The following ATXN10 variants were observed in gnomAD, a reference collection of about 807,000 sequenced individuals.
ATXN10 encodes ataxin-10.
ATXN10 carries 28 observed loss-of-function variants against 52.9 expected under a neutral mutation model. That is an observed-to-expected ratio of 0.53 (90% CI 0.39 to 0.73). The LOEUF is 0.73. Among genes scored for constraint, ATXN10 ranks in the 30% least tolerant of loss-of-function variants. ATXN10 has a pLI of 0.00. For missense variants in ATXN10, 565 were observed against 577.0 expected (o/e 0.98, Z 0.21); for synonymous variants, 226 against 221.5 (o/e 1.02, Z -0.18).
Position 45,843,237 on chromosome 22 carries a change from C to T in ATXN10, c.1425+59C>T. 1 of 1,551,626 alleles carries T rather than the reference C, an allele frequency of 6.4e-7. No homozygotes were observed. The highest frequency in any genetic ancestry group is 1.1e-5 in the South Asian group (1 of 89,414). The stretch of plus-strand genomic sequence containing the variant: ...GGTTTGTAGAAAGCTGTTTCCACTT[C>T]CCCATTGCTTCAAGCACGAGGCTCT... On this transcript the variant is annotated intron_variant, in intron 11 of 11. Coordinates refer to ENST00000252934, the MANE Select transcript of ATXN10 (RefSeq NM_013236.4). This position sits in a 1 kb window ranked among gnomAD's most constrained non-coding sequence, Gnocchi z 4.5.
chr22:45,757,959 A>G lies in ATXN10; in HGVS notation c.1173+17421A>G, dbSNP rs953079617. ...CTTCTTTTGAAATTTGTAAAAGAAG[A>G]AAAAAAGTTGAGCTTTTGTGATGAC... On this transcript the variant is annotated intron_variant, in intron 9 of 11. Transcript: ENST00000252934. The surrounding 1 kb of genome is among the most constrained non-coding windows in gnomAD (Gnocchi z 4.6). 1.9e-4 allele frequency among the ~76,000 whole-genome samples: 29 copies of G among 152,340 alleles called. No homozygotes were observed. The highest frequency in any genetic ancestry group is 6.3e-4 in the African/African-American group (26 of 41,588).
In ATXN10 at chr22:45,828,967, A is replaced by G. The variant is rs1928903726; in HGVS notation, c.1238-14024A>G. Among the ~76,000 whole-genome samples the G allele has an allele frequency of 6.6e-6, 1 of 152,200 alleles. No individual in the cohort carries two copies. The highest frequency in any genetic ancestry group is 2.4e-5 in the African/African-American group (1 of 41,464). On this transcript the variant is annotated intron_variant, in intron 10 of 11. Transcript: ENST00000252934. This position sits in a 1 kb window ranked among gnomAD's most constrained non-coding sequence, Gnocchi z 4.5. ...AGACAGAGACACTACAAGAAAACTA[A>G]AGACCAACATCCTTTATGAACATGA...
chr22:45,733,504 G>A lies in ATXN10; in HGVS notation c.894+3914G>A, dbSNP rs1382597242. On this transcript the variant is annotated intron_variant, in intron 7 of 11. Transcript: ENST00000252934. This position sits in a 1 kb window ranked among gnomAD's most constrained non-coding sequence, Gnocchi z 4.4. ...AATCCCAGCACTTTAGGAGGTCGAG[G>A]TGGGCAGATTGCCTGAGGTCAGGAG... Among the ~76,000 whole-genome samples, 1 of 152,100 alleles carries A rather than the reference G, an allele frequency of 6.6e-6. No homozygotes were observed. Among genetic ancestry groups the A allele is most frequent in the East Asian group, 1.9e-4 (1 of 5,194 alleles).
At chr22:45,809,165 T>C (rs1231407033) in intron 10 of ATXN10, among the ~76,000 whole-genome samples, 1 of 152,202 alleles carries the variant, frequency 6.6e-6, no homozygotes, top group Admixed American at 6.5e-5. Context: ...CTGGCCTTCG[T>C]AGTACTAAAG....
At chr22:45,829,257 G>T (rs1477604382) in intron 10 of ATXN10, among the ~76,000 whole-genome samples, 1 of 152,078 alleles carries the variant, frequency 6.6e-6, no homozygotes, top group Non-Finnish European at 1.5e-5. Context: ...CCCAACAAGT[G>T]AAAAATCAAC....
chr22:45,780,917 A>G lies in ATXN10; in HGVS notation c.1174-26042A>G, dbSNP rs1927127436. On this transcript the variant is annotated intron_variant, in intron 9 of 11. Transcript: ENST00000252934. The surrounding 1 kb of genome is among the most constrained non-coding windows in gnomAD (Gnocchi z 4.0). Reference sequence around the variant, plus strand: ...ACAGGTGGGGAGAAGACGGCATACTAGCAAGGGGCCTTGAGACTCAGAAAC... The same window carrying G: ...ACAGGTGGGGAGAAGACGGCATACTGGCAAGGGGCCTTGAGACTCAGAAAC... 6.6e-6 allele frequency among the ~76,000 whole-genome samples: 1 copy of G among 152,170 alleles called. No homozygotes were observed. Among genetic ancestry groups the G allele is most frequent in the Non-Finnish European group, 1.5e-5 (1 of 68,034 alleles).
rs1925169816 is a variant in ATXN10, at chr22:45,733,599, G to C, written c.894+4009G>C. 6.6e-6 allele frequency among the ~76,000 whole-genome samples: 1 copy of C among 152,092 alleles called. No homozygotes were observed. The highest frequency in any genetic ancestry group is 1.5e-5 in the Non-Finnish European group (1 of 68,000). ...AAAAATACAAAAATTAGCCGGGTGT[G>C]GTGGCGGATGCCTGTAATCCCAGCT... is the stretch of plus-strand genomic sequence containing the variant. On this transcript the variant is annotated intron_variant, in intron 7 of 11. Coordinates refer to ENST00000252934, the MANE Select transcript of ATXN10 (RefSeq NM_013236.4). The surrounding 1 kb of genome is among the most constrained non-coding windows in gnomAD (Gnocchi z 4.4).
At chr22:45,737,264 A>G (rs1328122673) in intron 7 of ATXN10, among the ~76,000 whole-genome samples, 1 of 152,254 alleles carries the variant, frequency 6.6e-6, no homozygotes, top group African/African-American at 2.4e-5. Context: ...AGTAGCCTGT[A>G]ATAGCGTCTT....
At position 45,837,813 on chromosome 22, in the gene ATXN10, C is replaced by T. The variant is rs118041942; in HGVS notation, c.1238-5178C>T. On this transcript the variant is annotated intron_variant, in intron 10 of 11. Transcript: ENST00000252934. The surrounding 1 kb of genome is among the most constrained non-coding windows in gnomAD (Gnocchi z 5.8). ...CATTTGAATTTCAAATTTTCATGTG[C>T]CAGAAATCAGTATTCTTTAGATTTT... Among the ~76,000 whole-genome samples, 1,333 of 152,266 alleles carry T rather than the reference C, an allele frequency of 8.8e-3. 12 individuals carry two copies. Among genetic ancestry groups the T allele is most frequent in the South Asian group, 0.016 (77 of 4,822 alleles).
intron 9 of ATXN10, among the ~76,000 whole-genome samples, chr22:45,768,891 A>C (rs562022411): frequency 6.6e-6 from 1 of 152,340 alleles, no homozygotes; most frequent in Non-Finnish European, 1.5e-5. Context: ...AATTGTAATT[A>C]ATCTTTCTAG....
Position 45,770,326 on chromosome 22 carries a change from A to T in ATXN10, c.1173+29788A>T, listed in dbSNP as rs184690996. 1.0e-3 allele frequency among the ~76,000 whole-genome samples: 158 copies of T among 152,320 alleles called. 2 individuals are homozygous for T. Among genetic ancestry groups the T allele is most frequent in the Non-Finnish European group, 9.3e-4 (63 of 68,030 alleles). On this transcript the variant is annotated intron_variant, in intron 9 of 11. Coordinates refer to ENST00000252934, the MANE Select transcript of ATXN10 (RefSeq NM_013236.4). The surrounding 1 kb of genome is among the most constrained non-coding windows in gnomAD (Gnocchi z 4.5). ...CTTTGGTCATAGTGAGAATTTTTTTAAAATGAGACAGGATGAGGACACATT... is the reference window on the plus strand; with the variant it reads ...CTTTGGTCATAGTGAGAATTTTTTTTAAATGAGACAGGATGAGGACACATT...
chr22:45,674,054 G>A (rs1922583543), intron 1 of ATXN10: 1 of 152,184 alleles, frequency 6.6e-6, no homozygotes, highest in Non-Finnish European at 1.5e-5. Context: ...GATAAGATCT[G>A]CCTGTTAGAT....
chr22:45,821,347 T>TAAAAA (rs567448480), intron 10 of ATXN10, among the ~76,000 whole-genome samples: 5 of 106,438 alleles, frequency 4.7e-5, no homozygotes, highest in Admixed American at 9.8e-5. Flanking sequence ...CCCGTCTCTT[T>TAAAAA]AAAAAAAAAA....
intron 1 of ATXN10, 75 bp from the exon 2 acceptor site, chr22:45,689,637 A>G (rs773774592): frequency 6.7e-6 from 9 of 1,352,340 alleles, no homozygotes; most frequent in Non-Finnish European, 8.4e-6. Context: ...AGTAGATAAA[A>G]GCAGTTTTCT....
chr22:45,773,318 GCCTTTTATTGC>G (rs1926838593), intron 9 of ATXN10, among the ~76,000 whole-genome samples: 2 of 151,836 alleles, frequency 1.3e-5, no homozygotes, highest in South Asian at 4.2e-4. Flanking sequence ...CAATTTGTAT[GCCTTTTATTGC>G]CATTTTATGT....
Position 45,769,301 on chromosome 22 carries a change from C to G in ATXN10, c.1173+28763C>G, listed in dbSNP as rs1408996371. On this transcript the variant is annotated intron_variant, in intron 9 of 11. Transcript: ENST00000252934. The surrounding 1 kb of genome is among the most constrained non-coding windows in gnomAD (Gnocchi z 4.2). ...CGCCGTTCATCCCCTCTCCCCCATA[C>G]AGACACATTTTTGTTGTTATATTCA... is the stretch of plus-strand genomic sequence containing the variant. Among the ~76,000 whole-genome samples, 2 of 152,078 alleles carry G rather than the reference C, an allele frequency of 1.3e-5. No individual in the cohort carries two copies. Among genetic ancestry groups the G allele is most frequent in the Non-Finnish European group, 2.9e-5 (2 of 68,036 alleles).
chr22:45,809,291 G>T (rs990250510), intron 10 of ATXN10, among the ~76,000 whole-genome samples: 1 of 151,640 alleles, frequency 6.6e-6, no homozygotes, highest in African/African-American at 2.4e-5. Context: ...TTTACTCCTC[G>T]CTTCCCATTC....
chr22:45,834,366 C>T lies in ATXN10; in HGVS notation c.1238-8625C>T, dbSNP rs145783723. ...CCGGTTTCTACTGGGTTTCCATTGA[C>T]TCCCATTCATAAATCCCCTATCGTT... On this transcript the variant is annotated intron_variant, in intron 10 of 11. Coordinates refer to ENST00000252934, the MANE Select transcript of ATXN10 (RefSeq NM_013236.4). Among the ~76,000 whole-genome samples the T allele has an allele frequency of 1.8e-3, 279 of 152,300 alleles. 4 individuals are homozygous for T. The highest frequency in any genetic ancestry group is 6.3e-3 in the African/African-American group (261 of 41,562).
intron 10 of ATXN10, among the ~76,000 whole-genome samples, chr22:45,838,783 G>A (rs1929251378): frequency 6.6e-6 from 1 of 152,100 alleles, no homozygotes; most frequent in Non-Finnish European, 1.5e-5. Flanking sequence ...ATTTTACAGT[G>A]TTTTTATTTT....
Sources: gnomAD v4.1 joint callset for allele counts (sites outside exome capture counted in the v4.1 genomes callset) on GRCh38, gnomAD v4.1.1 for gene constraint, Gnocchi (gnomAD v3.1) non-coding constraint, MANE v1.5 for transcripts, NCBI Gene and HGNC (gene_info 2026-07-23, HGNC 2026-07-21) for gene names.